HTR2C: variants seen among roughly 807,000 people sequenced by gnomAD.
HTR2C encodes the protein 5-hydroxytryptamine receptor 2C.
Under a neutral mutation model 21.0 loss-of-function variants are expected in HTR2C, and 5 were observed. The ratio of observed to expected loss-of-function variants is 0.24; its 90% confidence interval spans 0.12 to 0.50. The LOEUF is 0.50. HTR2C is among the 20% of genes least tolerant of loss of function. The pLI, the probability that HTR2C is intolerant of heterozygous loss-of-function variation, is 0.98. For synonymous variants in HTR2C, 150 were observed against 145.3 expected (o/e 1.03, Z -0.23); for missense variants, 271 against 371.2 (o/e 0.73, Z 2.22).
At chrX:114,740,479 A>AT (rs1556425152) in intron 4 of HTR2C, among the ~76,000 whole-genome samples, 1 of 111,485 alleles carries the variant, frequency 9.0e-6, no homozygotes, top group Non-Finnish European at 1.9e-5. Flanking sequence ...TCACTGGATG[A>AT]TAAACGTGTG....
In HTR2C at chrX:114,791,219, A is replaced by C. The variant is rs782728751; in HGVS notation, c.350-56784A>C. ...AGAATTGATCATAAGATTTGCAGAA[A>C]AATTAAATGGACCAACACATTTATC... On this transcript the variant is annotated intron_variant, in intron 4 of 5. Transcript: ENST00000276198. Among the ~76,000 whole-genome samples the C allele has an allele frequency of 2.7e-5, 3 of 112,615 alleles. No homozygotes were observed. The East Asian group carries it at 8.4e-4, about 32-fold the overall frequency.
At chrX:114,669,277 C>G (rs1328326739) in intron 2 of HTR2C, among the ~76,000 whole-genome samples, 1 of 111,572 alleles carries the variant, frequency 9.0e-6, no homozygotes, top group African/African-American at 3.3e-5. Flanking sequence ...CAATAATTCG[C>G]TGGTAATAAG....
chrX:114,685,226 T>A (rs1165569802), intron 2 of HTR2C, among the ~76,000 whole-genome samples: 1 of 112,075 alleles, frequency 8.9e-6, no homozygotes, highest in Non-Finnish European at 1.9e-5. Context: ...GCTGTAAGAT[T>A]GAGTAATATT....
chrX:114,860,378 CT>C (rs1234306747), intron 5 of HTR2C, among the ~76,000 whole-genome samples: 1 of 110,630 alleles, frequency 9.0e-6, no homozygotes, highest in East Asian at 2.8e-4. Context: ...TTTATCTCTC[CT>C]AATACTTTTT....
At chrX:114,704,458 C>T (rs1260779734) in intron 2 of HTR2C, among the ~76,000 whole-genome samples, 1 of 111,627 alleles carries the variant, frequency 9.0e-6, no homozygotes, top group Non-Finnish European at 1.9e-5. Flanking sequence ...AAGTCAAAAA[C>T]CACATGATTA....
intron 3 of HTR2C, among the ~76,000 whole-genome samples, chrX:114,729,882 A>C (rs1319325403): frequency 8.9e-6 from 1 of 111,787 alleles, no homozygotes; most frequent in African/African-American, 3.2e-5. Flanking sequence ...TCATCCTTCA[A>C]CTATCTTGCA....
intron 4 of HTR2C, among the ~76,000 whole-genome samples, chrX:114,769,723 T>C (rs1301629680): frequency 9.0e-6 from 1 of 111,552 alleles, no homozygotes; most frequent in Non-Finnish European, 1.9e-5. Flanking sequence ...TGTGATATCA[T>C]TGTCATGCAA....
At chrX:114,675,876 T>C (rs781888156) in intron 2 of HTR2C, among the ~76,000 whole-genome samples, 1 of 94,216 alleles carries the variant, frequency 1.1e-5, no homozygotes, top group South Asian at 4.6e-4. Flanking sequence ...TTCTTTTTTC[T>C]TTTTTTTTTT....
At chrX:114,654,706 A>G (rs189441133) in intron 2 of HTR2C, among the ~76,000 whole-genome samples, 2 of 110,475 alleles carry the variant, frequency 1.8e-5, no homozygotes, top group Non-Finnish European at 3.8e-5. Context: ...TGGGAGAAGT[A>G]GGCAATAGAG....
intron 2 of HTR2C, among the ~76,000 whole-genome samples, chrX:114,721,891 A>G (rs1359683927): frequency 2.8e-5 from 3 of 106,438 alleles, no homozygotes; most frequent in South Asian, 4.4e-4. Flanking sequence ...CTGTTTTGGT[A>G]CCAGTACCAT....
At chrX:114,796,310 TAAAAAC>T (rs2070292621) in intron 4 of HTR2C, among the ~76,000 whole-genome samples, 2 of 111,673 alleles carry the variant, frequency 1.8e-5, no homozygotes, top group East Asian at 5.6e-4. Context: ...TCAGGACAAA[TAAAAAC>T]TAAAAATAAA....
At chrX:114,807,818 G>A (rs1002997860) in intron 4 of HTR2C, among the ~76,000 whole-genome samples, 6 of 109,229 alleles carry the variant, frequency 5.5e-5, no homozygotes, top group South Asian at 3.9e-4. Context: ...GACTACAGGC[G>A]CATACCACCA....
chrX:114,648,009 T>A (rs1930424586), intron 2 of HTR2C, among the ~76,000 whole-genome samples: 1 of 112,189 alleles, frequency 8.9e-6, no homozygotes, highest in Non-Finnish European at 1.9e-5. Context: ...TAATATAAGT[T>A]TAAAATAACA....
At chrX:114,897,335 G>A (rs1556484281) in intron 5 of HTR2C, among the ~76,000 whole-genome samples, 1 of 111,365 alleles carries the variant, frequency 9.0e-6, no homozygotes, top group Non-Finnish European at 1.9e-5. Flanking sequence ...CTTTCCTCCA[G>A]TAGTTGTGAG....
intron 1 of HTR2C, among the ~76,000 whole-genome samples, chrX:114,601,533 A>G (rs782510795): frequency 2.8e-5 from 3 of 108,255 alleles, no homozygotes; most frequent in African/African-American, 1.0e-4. Flanking sequence ...AAGGACTTTC[A>G]CAAGGTAATG....
At chrX:114,880,561 A>T (rs1473760038) in intron 5 of HTR2C, among the ~76,000 whole-genome samples, 1 of 110,661 alleles carries the variant, frequency 9.0e-6, no homozygotes, top group Non-Finnish European at 1.9e-5. Context: ...TATACCCTTT[A>T]GCTATCACCA....
intron 2 of HTR2C, among the ~76,000 whole-genome samples, chrX:114,670,491 T>A (rs1931340225): frequency 9.0e-6 from 1 of 111,724 alleles, no homozygotes; most frequent in Non-Finnish European, 1.9e-5. Flanking sequence ...TCGTCTTTTA[T>A]GTATTTGGTC....
chrX:114,749,942 A>C (rs1471936497), intron 4 of HTR2C, among the ~76,000 whole-genome samples: 1 of 111,944 alleles, frequency 8.9e-6, no homozygotes, highest in Non-Finnish European at 1.9e-5. Flanking sequence ...GAGCTCATTC[A>C]ATTCCTATAC....
chrX:114,797,527 C>T (rs2070304996), intron 4 of HTR2C, among the ~76,000 whole-genome samples: 1 of 110,875 alleles, frequency 9.0e-6, no homozygotes, highest in Non-Finnish European at 1.9e-5. Context: ...ATAAACTAAA[C>T]ATCCATGGGC....
Sources: allele counts gnomAD v4.1 joint callset (sites outside exome capture counted in the v4.1 genomes callset), GRCh38; gene constraint gnomAD v4.1.1; transcripts MANE v1.5; gene names NCBI Gene and HGNC (gene_info 2026-07-23, HGNC 2026-07-21).